The following SRPK1 variants were observed in gnomAD, a reference collection of about 807,000 sequenced individuals.
SRPK1 encodes the protein SFRS protein kinase 1.
In SRPK1, 52 loss-of-function variants were observed where a neutral mutation model predicts 89.5. That is an observed-to-expected ratio of 0.58 (90% confidence interval 0.46 to 0.73). The LOEUF is 0.73. SRPK1 is among the 30% of genes least tolerant of loss of function. The pLI, the probability that SRPK1 is intolerant of heterozygous loss-of-function variation, is 0.00. For missense variants in SRPK1, 603 were observed against 780.6 expected (o/e 0.77, Z 2.71); for synonymous variants, 255 against 270.2 (o/e 0.94, Z 0.55).
rs564286428 is a variant in SRPK1 at position 35,857,373 on chromosome 6, G to A, written c.1513-5C>T. ...ATCTTCAGTGAAATGTTTGTGCTGA[G>A]AAAATGAAGGAAACAATATTTTAAA... On this transcript the variant is annotated splice_region_variant and splice_polypyrimidine_tract_variant and intron_variant, in intron 12 of 15. Transcript: ENST00000373825. The A allele has an allele frequency of 5.4e-5, 85 of 1,582,708 alleles. No individual in the cohort carries two copies. The Middle Eastern group carries it at 8.3e-4, about 15-fold the overall frequency.
At chr6:35,909,570 A>T (rs1435705826) in intron 2 of SRPK1, among the ~76,000 whole-genome samples, 1 of 152,198 alleles carries the variant, frequency 6.6e-6, no homozygotes. Context: ...TGTGAGGACA[A>T]GAGATCTGGG....
intron 6 of SRPK1, among the ~76,000 whole-genome samples, chr6:35,875,923 C>T (rs971723184): frequency 3.3e-5 from 5 of 152,006 alleles, no homozygotes; most frequent in African/African-American, 1.2e-4. Context: ...ACACCATGTG[C>T]CTTCTAATGC....
chr6:35,855,000 C>G (rs1312451569), intron 13 of SRPK1, among the ~76,000 whole-genome samples: 5 of 152,084 alleles, frequency 3.3e-5, no homozygotes, highest in African/African-American at 1.2e-4. Context: ...AGTTCACCAG[C>G]TTTACAGACC....
rs559966118 is a variant in SRPK1, at chr6:35,873,953, A to C, written c.585+280T>G. Among the ~76,000 whole-genome samples, 18 of 151,870 alleles carry C rather than the reference A, an allele frequency of 1.2e-4. No homozygotes were observed. The East Asian group carries it at 2.9e-3, about 25-fold the overall frequency. On this transcript the variant is annotated intron_variant, in intron 7 of 15. Transcript: ENST00000373825. The stretch of plus-strand genomic sequence containing the variant: ...GCCATTCTCCTGCCTCAGCCTCCCG[A>C]GTAGCTTGGGACTACAGGTGCCTGC...
At chr6:35,918,700 A>G (rs1771166015) in intron 2 of SRPK1, among the ~76,000 whole-genome samples, 1 of 152,230 alleles carries the variant, frequency 6.6e-6, no homozygotes, top group Non-Finnish European at 1.5e-5. Context: ...TCTATAATCC[A>G]TACTTGCAAA....
At chr6:35,851,512 A>G (rs766631039) in intron 13 of SRPK1, among the ~76,000 whole-genome samples, 1 of 152,128 alleles carries the variant, frequency 6.6e-6, no homozygotes, top group African/African-American at 2.4e-5. Flanking sequence ...ACATAGAAAC[A>G]GCTGATGGAC....
At chr6:35,913,231 C>G (rs1038157921) in intron 2 of SRPK1, among the ~76,000 whole-genome samples, 5 of 152,146 alleles carry the variant, frequency 3.3e-5, no homozygotes, top group African/African-American at 1.2e-4. Context: ...ACTTACTAAC[C>G]AATGAAACTA....
rs369014422 is a variant in SRPK1, at chr6:35,890,997, G to T, written c.91C>A (p.Arg31=). ...KAQRKSETQH[R]GSAPHSESDL... is the part of the protein sequence containing the mutation. ...CTCTCAGAGTGGGGAGCAGAGCCTC[G>T]GTGCTGAGTTTCAGATCTAAGAAAT... The change falls in exon 3 of 16, where the codon CGA becomes AGA. Residue 31 remains arginine (R), a synonymous_variant. Transcript: ENST00000373825. 3.7e-5 allele frequency: 58 copies of T among 1,551,400 alleles called. No homozygotes were observed. The African/African-American group carries it at 7.4e-4, about 20-fold the overall frequency.
intron 12 of SRPK1, among the ~76,000 whole-genome samples, chr6:35,860,421 C>T (rs191816273): frequency 3.3e-5 from 5 of 152,172 alleles, no homozygotes; most frequent in East Asian, 3.9e-4. Flanking sequence ...AAGACTCCAC[C>T]GGAATAAAGT....
chr6:35,900,467 T>C (rs1424208748), intron 2 of SRPK1, among the ~76,000 whole-genome samples: 3 of 152,222 alleles, frequency 2.0e-5, no homozygotes, highest in African/African-American at 7.2e-5. Context: ...TGTGAGCAAG[T>C]ATAGGGTCCC....
intron 2 of SRPK1, among the ~76,000 whole-genome samples, chr6:35,914,929 G>C (rs985738624): frequency 1.3e-5 from 2 of 152,058 alleles, no homozygotes; most frequent in Non-Finnish European, 2.9e-5. Context: ...CTCCTGTGTG[G>C]CTGGGATTAC....
Position 35,901,702 on chromosome 6 carries a change from T to C in SRPK1, c.75-10689A>G, listed in dbSNP as rs1285197088. The stretch of plus-strand genomic sequence containing the variant: ...GTGATGCAAAGATTTAACGAGATGC[T>C]ATTTTAGGTTCTAGCACCTACACAC... On this transcript the variant is annotated intron_variant, in intron 2 of 15. Coordinates refer to ENST00000373825, the MANE Select transcript of SRPK1 (RefSeq NM_003137.5). 2.0e-5 allele frequency among the ~76,000 whole-genome samples: 3 copies of C among 152,232 alleles called. No individual in the cohort carries two copies. The East Asian group carries it at 5.8e-4, about 29-fold the overall frequency.
intron 13 of SRPK1, among the ~76,000 whole-genome samples, chr6:35,848,467 G>A (rs1382436232): frequency 1.3e-5 from 2 of 152,206 alleles, no homozygotes; most frequent in Non-Finnish European, 1.5e-5. Flanking sequence ...TGAGATGGGA[G>A]GATCACTTCA....
At chr6:35,870,049 GGCCAAGATCTTAC>G (rs1769997233) in intron 10 of SRPK1, 148 bp from the exon 11 acceptor site, 3 of 1,041,198 alleles carry the variant, frequency 2.9e-6, no homozygotes, top group Non-Finnish European at 4.1e-6. Flanking sequence ...TTTCCGGAAG[GGCCAAGATCTTAC>G]TTTTACCCAA....
chr6:35,862,877 C>T (rs1422261061), intron 12 of SRPK1, among the ~76,000 whole-genome samples: 1 of 152,080 alleles, frequency 6.6e-6, no homozygotes, highest in Non-Finnish European at 1.5e-5. Flanking sequence ...CTAAAAAATT[C>T]ACTGAAGCAG....
At chr6:35,884,396 T>C (rs1322904230) in intron 6 of SRPK1, among the ~76,000 whole-genome samples, 1 of 152,110 alleles carries the variant, frequency 6.6e-6, no homozygotes, top group Non-Finnish European at 1.5e-5. Context: ...TGAGAAACGA[T>C]AGTGGTCCAG....
At chr6:35,919,190 C>T (rs1771174237) in intron 2 of SRPK1, among the ~76,000 whole-genome samples, 1 of 152,194 alleles carries the variant, frequency 6.6e-6, no homozygotes, top group South Asian at 2.1e-4. Context: ...GGTAAACAGA[C>T]ACACACAAAC....
intron 6 of SRPK1, among the ~76,000 whole-genome samples, chr6:35,882,077 TAGTAGTAGC>T (rs1770303293): frequency 6.7e-6 from 1 of 148,940 alleles, no homozygotes; most frequent in South Asian, 2.1e-4. Context: ...GTAGCAGTAG[TAGTAGTAGC>T]AGTAGTAGTA....
At chr6:35,864,922 T>C (rs1769861568) in intron 12 of SRPK1, among the ~76,000 whole-genome samples, 1 of 152,150 alleles carries the variant, frequency 6.6e-6, no homozygotes, top group South Asian at 2.1e-4. Flanking sequence ...TTAGATGAGA[T>C]AAGCCAGGCA....
Sources: gnomAD v4.1 joint callset for allele counts (sites outside exome capture counted in the v4.1 genomes callset) on GRCh38, gnomAD v4.1.1 for gene constraint, MANE v1.5 for transcripts, NCBI Gene and HGNC (gene_info 2026-07-23, HGNC 2026-07-21) for gene names.